ACOXL: variants seen among roughly 807,000 people sequenced by gnomAD.
ACOXL encodes acyl-CoA oxidase like, also known as acyl-coenzyme A oxidase-like protein.
In ACOXL, 70 loss-of-function variants were observed where a neutral mutation model predicts 71.9. The observed-to-expected ratio is 0.97, with a 90% CI of 0.80 to 1.19. The LOEUF (loss-of-function observed/expected upper bound fraction) is 1.19, where lower values mean the gene tolerates loss of function less well. Among genes scored for constraint, ACOXL ranks in the 50% most tolerant of loss-of-function variants. ACOXL has a pLI of 0.00. For synonymous variants in ACOXL, 253 were observed against 281.6 expected, an observed-to-expected ratio of 0.90 and a Z score of 1.02; for missense variants, 703 against 736.3, an observed-to-expected ratio of 0.95 and a Z score of 0.52.
intron 10 of ACOXL, among the ~76,000 whole-genome samples, chr2:110,890,677 T>C (rs1606588): frequency 0.33 from 49,473 of 152,072 alleles, 8,376 homozygotes; most frequent in South Asian, 0.5. Flanking sequence ...TATATGTCTA[T>C]CCTATGCCAG....
At chr2:110,744,848 A>G (rs548150320) in intron 1 of ACOXL, among the ~76,000 whole-genome samples, 3 of 152,294 alleles carry the variant, frequency 2.0e-5, no homozygotes, top group African/African-American at 7.2e-5. Flanking sequence ...GAGTTTGAGT[A>G]TGAAGCTAGC....
intron 9 of ACOXL, among the ~76,000 whole-genome samples, chr2:110,807,536 AT>A (rs1225278559): frequency 6.6e-6 from 1 of 152,182 alleles, no homozygotes; most frequent in East Asian, 1.9e-4. Context: ...TGTCCTTTGA[AT>A]TCCCAGGTGT....
intron 10 of ACOXL, among the ~76,000 whole-genome samples, chr2:110,877,638 C>T (rs956126864): frequency 1.3e-5 from 2 of 152,168 alleles, no homozygotes; most frequent in Non-Finnish European, 2.9e-5. Flanking sequence ...TGGGTCACCA[C>T]GGAGAGTCCA....
chr2:110,915,338 A>T (rs1210407566), intron 11 of ACOXL, among the ~76,000 whole-genome samples: 2 of 68,824 alleles, frequency 2.9e-5, no homozygotes, highest in African/African-American at 4.0e-5. Flanking sequence ...TATGCATTTT[A>T]TATATATATA....
rs527699868 is a variant in ACOXL at position 111,071,893 on chromosome 2, A to G, written c.1441-20972A>G. Among the ~76,000 whole-genome samples the G allele has an allele frequency of 1.4e-4, 21 of 152,312 alleles. 1 individual carries two copies. The highest frequency in any genetic ancestry group is 3.4e-3 in the Middle Eastern group (1 of 294). ...GCTAGGCCCTGTGGGGAACTCCAAGATACATGAGCCACAGTTCCTGCCTTT... is the reference window on the plus strand; with the variant it reads ...GCTAGGCCCTGTGGGGAACTCCAAGGTACATGAGCCACAGTTCCTGCCTTT... On this transcript the variant is annotated intron_variant, in intron 16 of 17. Coordinates refer to ENST00000439055, the MANE Select transcript of ACOXL (RefSeq NM_001142807.4).
intron 12 of ACOXL, among the ~76,000 whole-genome samples, chr2:110,956,393 A>T (rs1247319344): frequency 6.6e-6 from 1 of 152,154 alleles, no homozygotes. Context: ...TCCAGCGAAT[A>T]AGTCCTGAGA....
chr2:110,759,930 T>C (rs1453602728), intron 1 of ACOXL, among the ~76,000 whole-genome samples: 1 of 152,062 alleles, frequency 6.6e-6, no homozygotes, highest in Non-Finnish European at 1.5e-5. Context: ...AAATTTATTC[T>C]AATGTATATT....
chr2:110,945,141 G>GCAC (rs1349673613), intron 12 of ACOXL, among the ~76,000 whole-genome samples: 1 of 152,166 alleles, frequency 6.6e-6, no homozygotes, highest in Non-Finnish European at 1.5e-5. Flanking sequence ...CTGCATGTAT[G>GCAC]TCTTCTTTGA....
At chr2:110,846,973 C>T (rs537844818) in intron 10 of ACOXL, among the ~76,000 whole-genome samples, 6 of 152,096 alleles carry the variant, frequency 3.9e-5, no homozygotes, top group Non-Finnish European at 8.8e-5. Context: ...ATTATCATGG[C>T]GCTTTAATTT....
intron 12 of ACOXL, among the ~76,000 whole-genome samples, chr2:110,943,487 AG>A (rs2060974543): frequency 6.6e-6 from 1 of 152,024 alleles, no homozygotes; most frequent in Non-Finnish European, 1.5e-5. Flanking sequence ...ACCAGAGGAG[AG>A]GGGGAAATCA....
intron 11 of ACOXL, among the ~76,000 whole-genome samples, chr2:110,919,412 G>A (rs189044126): frequency 2.0e-5 from 3 of 151,558 alleles, no homozygotes; most frequent in South Asian, 2.1e-4. Flanking sequence ...GTTAGGGGGT[G>A]GGGGGGCAAG....
chr2:111,023,299 G>GT (rs1478300321), intron 14 of ACOXL, among the ~76,000 whole-genome samples: 3 of 152,156 alleles, frequency 2.0e-5, no homozygotes, highest in Admixed American at 6.5e-5. Context: ...CTGGGGCTAG[G>GT]TACAAGGGGA....
chr2:110,872,885 G>A (rs550672305), intron 10 of ACOXL, among the ~76,000 whole-genome samples: 1 of 152,354 alleles, frequency 6.6e-6, no homozygotes, highest in South Asian at 2.1e-4. Context: ...CTTGACTCCA[G>A]TGAAATGTCT....
intron 11 of ACOXL, among the ~76,000 whole-genome samples, chr2:110,913,095 AGAT>A (rs2059704727): frequency 6.6e-6 from 1 of 152,222 alleles, no homozygotes; most frequent in Admixed American, 6.5e-5. Flanking sequence ...ATAATGAAAA[AGAT>A]GATAACAAGT....
intron 14 of ACOXL, among the ~76,000 whole-genome samples, chr2:111,012,733 TAG>T (rs1303165320): frequency 2.6e-5 from 4 of 152,314 alleles, no homozygotes; most frequent in Middle Eastern, 6.8e-3. Flanking sequence ...CAAGGGGAAT[TAG>T]AGAATATTTC....
At chr2:111,029,212 T>G (rs2065151883) in intron 14 of ACOXL, among the ~76,000 whole-genome samples, 1 of 152,242 alleles carries the variant, frequency 6.6e-6, no homozygotes, top group Admixed American at 6.5e-5. Flanking sequence ...GTTTATTGCC[T>G]GAAGCAAAGA....
chr2:110,752,413 G>A (rs919767089), intron 1 of ACOXL, among the ~76,000 whole-genome samples: 1 of 151,910 alleles, frequency 6.6e-6, no homozygotes, highest in East Asian at 1.9e-4. Context: ...GAGGCCTGGA[G>A]TTCAAGACAA....
chr2:111,092,134 G>A (rs1226395112), intron 16 of ACOXL, among the ~76,000 whole-genome samples: 1 of 152,204 alleles, frequency 6.6e-6, no homozygotes, highest in Non-Finnish European at 1.5e-5. Flanking sequence ...ATACAGAGAA[G>A]GGGAATAGGT....
At chr2:110,953,938 C>G (rs973721274) in intron 12 of ACOXL, among the ~76,000 whole-genome samples, 3 of 152,192 alleles carry the variant, frequency 2.0e-5, no homozygotes, top group Admixed American at 6.5e-5. Flanking sequence ...CCAGTCACTT[C>G]CCACCAGACC....
Sources: gnomAD v4.1 joint callset for allele counts (sites outside exome capture counted in the v4.1 genomes callset) on GRCh38, gnomAD v4.1.1 for gene constraint, MANE v1.5 for transcripts, NCBI Gene and HGNC (gene_info 2026-07-23, HGNC 2026-07-21) for gene names.